Variants in CUX1 observed in about 807,000 individuals in gnomAD.
CUX1 encodes the protein protein CASP.
Under a neutral mutation model 158.8 loss-of-function variants are expected in CUX1, and 31 were observed. The observed-to-expected ratio is 0.20, with a 90% CI of 0.15 to 0.26. The LOEUF is 0.26. Among genes scored for constraint, CUX1 ranks in the 10% least tolerant of loss-of-function variants. The probability of loss-of-function intolerance (pLI) is 1.00; values close to 1 mark genes in which losing one functional copy is unlikely to be tolerated. For synonymous variants in CUX1, 879 were observed against 862.1 expected, an observed-to-expected ratio of 1.02 and a Z score of -0.34; for missense variants, 1,589 against 2,014.6, an observed-to-expected ratio of 0.79 and a Z score of 4.04.
chr7:102,238,545 T>C (rs191929174), intron 22 of CUX1, among the ~76,000 whole-genome samples: 36 of 152,344 alleles, frequency 2.4e-4, no homozygotes, highest in African/African-American at 7.9e-4. Context: ...TATAATCATA[T>C]CTAAGATCTA....
In CUX1 at chr7:102,248,291, G is replaced by A. The variant is rs1801040487; in HGVS notation, c.3888-121G>A. ...GGCCCGAGGGTCGCTGGAGGGGCAC[G>A]GAGGGGCCTCCAGGCTGGACGGAGC... On this transcript the variant is annotated intron_variant, in intron 23 of 23. Coordinates refer to ENST00000292535, the MANE Select transcript of CUX1 (RefSeq NM_181552.4). The surrounding 1 kb of genome is among the most constrained non-coding windows in gnomAD (Gnocchi z 5.8). 6 of 931,118 alleles carry A rather than the reference G, an allele frequency of 6.4e-6. No individual in the cohort carries two copies. Among genetic ancestry groups the A allele is most frequent in the Non-Finnish European group, 7.7e-6 (5 of 652,780 alleles). The allele number at this position is 931,118 out of a possible 1,614,324, so 57.7% of individuals were successfully genotyped here. A position where few individuals can be genotyped will look rare whatever the true frequency, so the allele number is the denominator to read the frequency against.
chr7:102,187,151 C>T (rs976156737), intron 11 of CUX1: 14 of 152,192 alleles, frequency 9.2e-5, no homozygotes, highest in Non-Finnish European at 1.9e-4. Flanking sequence ...CACAGGCCTT[C>T]AAAGAAGACC....
In CUX1 at chr7:102,227,572, G is replaced by A. The variant is rs782737738; in HGVS notation, c.3336G>A (p.Ser1112=). Residue 1112 remains serine (S), a synonymous_variant, in exon 21 of 24, where the codon TCG becomes TCA. Transcript: ENST00000292535. ...PTTPLPLSGH[S]ALSIQELVAM... is the part of the protein sequence containing the mutation. ...CCCCGCTGCCTCTCTCCGGACACTC[G>A]GCCCTCAGCATCCAAGAATTAGTAG... 4.3e-6 allele frequency: 7 copies of A among 1,614,076 alleles called. No individual in the cohort carries two copies. Among genetic ancestry groups the A allele is most frequent in the Admixed American group, 1.7e-5 (1 of 60,004 alleles).
chr7:102,239,480 A>G lies in CUX1; in HGVS notation c.3783A>G (p.Arg1261=). 1 of 1,614,136 alleles carries G rather than the reference A, an allele frequency of 6.2e-7. No homozygotes were observed. Among genetic ancestry groups the G allele is most frequent in the Non-Finnish European group, 8.5e-7 (1 of 1,179,994 alleles). The change falls in exon 23 of 24, where the codon CGA becomes CGG. Residue 1261 remains arginine, a synonymous_variant. Coordinates refer to ENST00000292535, the MANE Select transcript of CUX1 (RefSeq NM_181552.4). ...CGGAGGAGAAGGAGGCGCTGAAACG[A>G]GCGTATCAGCAAAAGCCATACCCGT... The part of the protein sequence containing the change: ...LAPEEKEALK[R]AYQQKPYPSP...
chr7:102,157,632 T>C (rs1563324464), intron 8 of CUX1, among the ~76,000 whole-genome samples: 1 of 151,842 alleles, frequency 6.6e-6, no homozygotes, highest in Non-Finnish European at 1.5e-5. Context: ...ATACAAAAAT[T>C]AGCCGGGCGT....
intron 3 of CUX1, among the ~76,000 whole-genome samples, chr7:102,065,593 A>G (rs974963617): frequency 3.3e-5 from 5 of 152,170 alleles, no homozygotes; most frequent in Non-Finnish European, 7.3e-5. Context: ...CCATTTGCAT[A>G]CTGAATTCAT....
chr7:102,210,503 C>T (rs1554522829), intron 20 of CUX1, among the ~76,000 whole-genome samples: 1 of 152,194 alleles, frequency 6.6e-6, no homozygotes, highest in Non-Finnish European at 1.5e-5. Flanking sequence ...TGTGAGCCAC[C>T]ATACCCGGCC....
chr7:102,226,389 A>G (rs432684), intron 20 of CUX1, among the ~76,000 whole-genome samples: 139,190 of 152,190 alleles, frequency 0.91, 63,838 homozygotes, highest in East Asian at 1. Context: ...GCCTCTCTCC[A>G]TCTTCCCCTA....
intron 21 of CUX1, among the ~76,000 whole-genome samples, chr7:102,228,759 C>T (rs1798618567): frequency 6.6e-6 from 1 of 152,190 alleles, no homozygotes; most frequent in African/African-American, 2.4e-5. Context: ...GACCATGCCA[C>T]TGTACTTCAG....
At chr7:101,911,346 C>T (rs1803424880) in intron 1 of CUX1, among the ~76,000 whole-genome samples, 1 of 152,158 alleles carries the variant, frequency 6.6e-6, no homozygotes, top group African/African-American at 2.4e-5. Context: ...CTGGCCTTGG[C>T]CTTGGCCCTC....
At chr7:102,169,172 A>T (rs1488756657) in intron 9 of CUX1, among the ~76,000 whole-genome samples, 8 of 151,784 alleles carry the variant, frequency 5.3e-5, no homozygotes, top group Non-Finnish European at 1.2e-4. Context: ...ACCTCAGGTG[A>T]TCTGCCCACT....
At chr7:102,086,610 T>C (rs1201833492) in intron 4 of CUX1, among the ~76,000 whole-genome samples, 2 of 151,860 alleles carry the variant, frequency 1.3e-5, no homozygotes, top group East Asian at 1.9e-4. Context: ...AATGGCTTTT[T>C]TCGTTGTTTT....
chr7:102,060,909 G>T (rs1192527334), intron 3 of CUX1, among the ~76,000 whole-genome samples: 19 of 114,202 alleles, frequency 1.7e-4, no homozygotes, highest in Non-Finnish European at 3.2e-4. Flanking sequence ...ACCGCGCCTG[G>T]CCTTTTTTTT....
chr7:101,890,913 C>G (rs2131639905), intron 1 of CUX1, among the ~76,000 whole-genome samples: 1 of 151,496 alleles, frequency 6.6e-6, no homozygotes, highest in South Asian at 2.1e-4. Context: ...TTGTTTGGTG[C>G]TTATTTTTAA....
At chr7:101,876,961 T>G (rs1441079564) in intron 1 of CUX1, among the ~76,000 whole-genome samples, 1 of 152,136 alleles carries the variant, frequency 6.6e-6, no homozygotes, top group East Asian at 1.9e-4. Context: ...TCACTACCAC[T>G]CTGCACCACG....
At chr7:101,956,386 A>C (rs1366270000) in intron 2 of CUX1, among the ~76,000 whole-genome samples, 1 of 152,170 alleles carries the variant, frequency 6.6e-6, no homozygotes, top group African/African-American at 2.4e-5. Flanking sequence ...ACTTATTAGC[A>C]TGTGACACCA....
chr7:101,844,668 T>A (rs1464715768), intron 1 of CUX1, among the ~76,000 whole-genome samples: 1 of 152,164 alleles, frequency 6.6e-6, no homozygotes, highest in Admixed American at 6.6e-5. Context: ...CAGGCTGGAG[T>A]GCAGCAGCAC....
chr7:101,900,419 A>C (rs935074041), intron 1 of CUX1, among the ~76,000 whole-genome samples: 5 of 152,218 alleles, frequency 3.3e-5, no homozygotes, highest in African/African-American at 1.2e-4. Flanking sequence ...AGCAGCTCTC[A>C]GCCAATGGCA....
chr7:102,139,651 CA>C (rs1408205615), intron 8 of CUX1, among the ~76,000 whole-genome samples: 1 of 152,082 alleles, frequency 6.6e-6, no homozygotes, highest in East Asian at 1.9e-4. Context: ...AACCACTTTC[CA>C]AAATGAATTT....
Sources: gnomAD v4.1 joint callset for allele counts (sites outside exome capture counted in the v4.1 genomes callset) on GRCh38, gnomAD v4.1.1 for gene constraint, Gnocchi (gnomAD v3.1) non-coding constraint, MANE v1.5 for transcripts, NCBI Gene and HGNC (gene_info 2026-07-23, HGNC 2026-07-21) for gene names.